SH2B1: variants seen among roughly 807,000 people sequenced by gnomAD.
SH2B1 encodes the protein SH2B adaptor protein 1.
A neutral mutation model predicts 62.6 loss-of-function variants in SH2B1; 15 were observed. The ratio of observed to expected loss-of-function variants is 0.24; its 90% CI spans 0.16 to 0.37. SH2B1 has a LOEUF of 0.37. Among genes scored for constraint, SH2B1 ranks in the 10% least tolerant of loss-of-function variants. The pLI is 1.00. For synonymous variants in SH2B1, 443 were observed against 438.0 expected (o/e 1.01, Z -0.14); for missense variants, 925 against 1,015.6 (o/e 0.91, Z 1.21).
chr16:28,868,999 T>C lies in SH2B1; in HGVS notation c.1042-7T>C. 6.2e-7 allele frequency: 1 copy of C among 1,612,902 alleles called. No individual in the cohort carries two copies. Among genetic ancestry groups the C allele is most frequent in the East Asian group, 2.2e-5 (1 of 44,870 alleles). On this transcript the variant is annotated splice_region_variant and splice_polypyrimidine_tract_variant and intron_variant, in intron 2 of 7. Transcript: ENST00000684370. The stretch of plus-strand genomic sequence containing the variant: ...GCCCCAGCTGAGGCGTCGTCTCATC[T>C]CTGTAGGTGGAAGGTCCATCCGAGT...
intron 1 of SH2B1, among the ~76,000 whole-genome samples, chr16:28,853,139 TATAAATA>T (rs1421700585): frequency 1.5e-4 from 20 of 132,376 alleles, no homozygotes; most frequent in African/African-American, 4.8e-4. Flanking sequence ...TATACATTTA[TATAAATA>T]TATATAAATG....
chr16:28,858,374 G>C (rs1338863153), intron 1 of SH2B1, among the ~76,000 whole-genome samples: 1 of 152,166 alleles, frequency 6.6e-6, no homozygotes, highest in African/African-American at 2.4e-5. Flanking sequence ...TTAGCTGGGT[G>C]TGGTGGCCCA....
At chr16:28,848,861 G>A (rs1478221974) in intron 1 of SH2B1, among the ~76,000 whole-genome samples, 1 of 151,686 alleles carries the variant, frequency 6.6e-6, no homozygotes, top group African/African-American at 2.4e-5. Flanking sequence ...TAATAGAGAC[G>A]GGGTTTCACC....
In SH2B1 at chr16:28,852,841, C is replaced by T. The variant is rs1232323322; in HGVS notation, c.-301+6014C>T. Among the ~76,000 whole-genome samples the T allele has an allele frequency of 2.8e-3, 92 of 32,702 alleles. 2 individuals carry two copies. The highest frequency in any genetic ancestry group is 8.8e-3 in the African/African-American group (70 of 7,950). The allele number at this position is 32,702 out of a possible 152,430, so 21.5% of individuals were successfully genotyped here. On this transcript the variant is annotated intron_variant, in intron 1 of 10. Coordinates refer to the SH2B1 transcript ENST00000322610. ...TTACATATATATTTATATATATATACATATATATATTTTTATATATATTTA... is the reference window on the plus strand; with the variant it reads ...TTACATATATATTTATATATATATATATATATATATTTTTATATATATTTA...
chr16:28,847,779 A>C (rs1962010561), intron 1 of SH2B1, among the ~76,000 whole-genome samples: 1 of 144,686 alleles, frequency 6.9e-6, no homozygotes, highest in African/African-American at 2.6e-5. Context: ...TGATCATGAC[A>C]CTGCACCCCA....
chr16:28,852,723 T>C lies in SH2B1; in HGVS notation c.-301+5896T>C, dbSNP rs1272840106. On this transcript the variant is annotated intron_variant, in intron 1 of 10. Coordinates refer to the SH2B1 transcript ENST00000322610. ...ATATACATATATATTTACATATATATTTATATATATACATATATATATTTA... is the reference window on the plus strand; with the variant it reads ...ATATACATATATATTTACATATATACTTATATATATACATATATATATTTA... Among the ~76,000 whole-genome samples, 4 of 72,782 alleles carry C rather than the reference T, an allele frequency of 5.5e-5. 1 individual carries two copies. The highest frequency in any genetic ancestry group is 2.6e-4 in the Admixed American group (1 of 3,798). 47.7% of individuals were successfully genotyped at this position (72,782 alleles called of 152,430 possible).
chr16:28,873,370 G>A lies in SH2B1; in HGVS notation c.1898-77G>A, dbSNP rs1411608672. ...TGGGGAGACAGCCACGCTCCTGGGGGGCTGAGTGAAGGGGAGGCCACGGCA... is the reference window on the plus strand; with the variant it reads ...TGGGGAGACAGCCACGCTCCTGGGGAGCTGAGTGAAGGGGAGGCCACGGCA... On this transcript the variant is annotated intron_variant, in intron 7 of 7. Transcript: ENST00000684370. The surrounding 1 kb of genome is among the most constrained non-coding windows in gnomAD (Gnocchi z 4.2). The A allele has an allele frequency of 3.8e-6, 6 of 1,582,918 alleles. No homozygotes were observed. The highest frequency in any genetic ancestry group is 5.1e-6 in the Non-Finnish European group (6 of 1,171,614).
chr16:28,872,943 G>T lies in SH2B1; in HGVS notation c.1897+238G>T. On this transcript the variant is annotated intron_variant, in intron 7 of 7. Coordinates refer to ENST00000684370, the MANE Select transcript of SH2B1 (RefSeq NM_001387430.1). The surrounding 1 kb of genome is among the most constrained non-coding windows in gnomAD (Gnocchi z 5.3). Reference sequence around the variant, plus strand: ...GGGGCGGCAGCTGAGAGGTGGGCGGGCGCATCCCCATTCCATCGGATCCTC... The same window carrying T: ...GGGGCGGCAGCTGAGAGGTGGGCGGTCGCATCCCCATTCCATCGGATCCTC... 4 of 647,770 alleles carry T rather than the reference G, an allele frequency of 6.2e-6. No individual in the cohort carries two copies. The South Asian group carries it at 7.5e-5, about 12-fold the overall frequency. 40.1% of individuals were successfully genotyped at this position (647,770 alleles called of 1,614,324 possible).
rs749245026 is a variant in SH2B1, at chr16:28,871,888, C to T, written c.1418C>T (p.Pro473Leu). 5.0e-6 allele frequency: 7 copies of T among 1,392,220 alleles called. No individual in the cohort carries two copies. The highest frequency in any genetic ancestry group is 6.0e-6 in the Non-Finnish European group (6 of 994,172). The allele number at this position is 1,392,220 out of a possible 1,614,324, so 86.2% of individuals were successfully genotyped here. A position where few individuals can be genotyped will look rare whatever the true frequency, so the allele number is the denominator to read the frequency against. ...ATGGAACTGCTTCCCCCAGAGTTGC[C>T]CCCCCGCATCCCCATTGAAGAGGGA... Reference protein sequence around the residue: ...DSMELLPPELPPRIPIEEGPP... With the variant: ...DSMELLPPELLPRIPIEEGPP... Residue 473 changes from proline (P) to leucine (L), a missense_variant, in exon 5 of 8, where the codon CCC (proline) becomes CTC (leucine). Coordinates refer to ENST00000684370, the MANE Select transcript of SH2B1 (RefSeq NM_001387430.1).
intron 1 of SH2B1, among the ~76,000 whole-genome samples, chr16:28,856,360 T>C (rs1028223633): frequency 2.0e-5 from 3 of 152,108 alleles, no homozygotes; most frequent in Admixed American, 6.6e-5. Context: ...TTGAATCATT[T>C]CAATTGAGCA....
chr16:28,859,875 C>CG (rs545124039), upstream of SH2B1, among the ~76,000 whole-genome samples: 4 of 110,056 alleles, frequency 3.6e-5, no homozygotes, highest in African/African-American at 6.0e-5. Flanking sequence ...TAGACCCCCC[C>CG]CCCCCGGCTG....
At chr16:28,855,937 C>G (rs1207538432) in intron 1 of SH2B1, among the ~76,000 whole-genome samples, 1 of 147,248 alleles carries the variant, frequency 6.8e-6, no homozygotes, top group Non-Finnish European at 1.5e-5. Context: ...TCCCAAAGTG[C>G]TGGGATTACA....
At chr16:28,867,291 G>A (rs1400580956) in intron 1 of SH2B1, 40 bp from the exon 2 acceptor site, 1 of 1,526,976 alleles carries the variant, frequency 6.5e-7, no homozygotes, top group East Asian at 2.2e-5. Flanking sequence ...GTGGTCTTTG[G>A]AAACCAAACA....
At chr16:28,852,179 AAT>A (rs533644841) in intron 1 of SH2B1, among the ~76,000 whole-genome samples, 55 of 137,298 alleles carry the variant, frequency 4.0e-4, no homozygotes, top group African/African-American at 1.5e-3. Flanking sequence ...CGTATCCAAA[AAT>A]ATATATATTT....
At chr16:28,855,510 C>T (rs923290089) in intron 1 of SH2B1, among the ~76,000 whole-genome samples, 1 of 152,134 alleles carries the variant, frequency 6.6e-6, no homozygotes, top group Non-Finnish European at 1.5e-5. Context: ...CATGAGCCAC[C>T]GCGCCCGGCC....
Position 28,866,057 on chromosome 16 carries a change from C to G in SH2B1, c.-38C>G. The G allele has an allele frequency of 6.6e-7, 1 of 1,508,218 alleles. No homozygotes were observed. The highest frequency in any genetic ancestry group is 1.3e-5 in the South Asian group (1 of 75,716). 93.4% of individuals were successfully genotyped at this position (1,508,218 alleles called of 1,614,324 possible). A position where few individuals can be genotyped will look rare whatever the true frequency, so the allele number is the denominator to read the frequency against. ...TCTTCTGGCTGCCTCCCTCTTTGTG[C>G]CCCACAGGCTCCCCCTCTCCACCTC... On this transcript the variant is annotated 5_prime_UTR_variant, in exon 1 of 8. Coordinates refer to ENST00000684370, the MANE Select transcript of SH2B1 (RefSeq NM_001387430.1). This position sits in a 1 kb window ranked among gnomAD's most constrained non-coding sequence, Gnocchi z 6.3.
chr16:28,866,455 G>C lies in SH2B1; in HGVS notation c.361G>C (p.Gly121Arg). The C allele has an allele frequency of 6.2e-7, 1 of 1,613,832 alleles. No individual in the cohort carries two copies. Among genetic ancestry groups the C allele is most frequent in the Non-Finnish European group, 8.5e-7 (1 of 1,179,978 alleles). The change falls in exon 1 of 8, where the codon GGC becomes CGC. Residue 121 changes from glycine (G) to arginine (R), a missense_variant. Around this residue, in one of 3 missense-constraint regions of SH2B1, gnomAD observed 683 missense variants for 704.0 expected, o/e 0.97. Transcript: ENST00000684370. The surrounding 1 kb of genome is among the most constrained non-coding windows in gnomAD (Gnocchi z 6.3). ...CRVGGPLAVL[G>R]PSRSSEDLAG... ...GGTGGGTGGGCCCCTGGCTGTGCTGGGCCCTTCTCGATCATCTGAGGACCT... is the reference window on the plus strand; with the variant it reads ...GGTGGGTGGGCCCCTGGCTGTGCTGCGCCCTTCTCGATCATCTGAGGACCT...
rs144126859 is a variant in SH2B1, at chr16:28,866,390, C to T, written c.296C>T (p.Ala99Val). The T allele has an allele frequency of 1.7e-4, 282 of 1,613,686 alleles. No individual in the cohort carries two copies. Among genetic ancestry groups the T allele is most frequent in the African/African-American group, 1.5e-3 (113 of 75,032 alleles). The change falls in exon 1 of 8, where the codon GCG (alanine) becomes GTG (valine). Residue 99 changes from alanine (A) to valine (V), a missense_variant. Around this residue, in one of 3 missense-constraint regions of SH2B1, gnomAD observed 683 missense variants for 704.0 expected, o/e 0.97. Coordinates refer to ENST00000684370, the MANE Select transcript of SH2B1 (RefSeq NM_001387430.1). The surrounding 1 kb of genome is among the most constrained non-coding windows in gnomAD (Gnocchi z 6.3). ...ATCCTGGCTCCCCTGAGCCCTGGTGCGGAGATTTCGCCACATGACCTGTCC... is the reference window on the plus strand; with the variant it reads ...ATCCTGGCTCCCCTGAGCCCTGGTGTGGAGATTTCGCCACATGACCTGTCC... ...PPILAPLSPG[A>V]EISPHDLSLE...
chr16:28,866,301 T>G lies in SH2B1; in HGVS notation c.207T>G (p.Ala69=). Residue 69 remains alanine (A), a synonymous_variant, in exon 1 of 8, where the codon GCT becomes GCG. Transcript: ENST00000684370. This position sits in a 1 kb window ranked among gnomAD's most constrained non-coding sequence, Gnocchi z 6.3. ...GAEAAFSRRF[A]ELFLQHFEAE... The stretch of plus-strand genomic sequence containing the variant: ...AGGCTGCCTTCTCCCGCCGTTTTGC[T>G]GAGCTCTTCCTGCAGCACTTTGAAG... 6.2e-7 allele frequency: 1 copy of G among 1,611,146 alleles called. No homozygotes were observed. Among genetic ancestry groups the G allele is most frequent in the Non-Finnish European group, 8.5e-7 (1 of 1,179,278 alleles).
Sources: allele counts gnomAD v4.1 joint callset (sites outside exome capture counted in the v4.1 genomes callset), GRCh38; gene constraint gnomAD v4.1.1; regional missense constraint gnomAD v4.1.1; non-coding constraint Gnocchi (gnomAD v3.1); transcripts MANE v1.5; gene names NCBI Gene and HGNC (gene_info 2026-07-23, HGNC 2026-07-21).